ARID1B: variants seen among roughly 807,000 people sequenced by gnomAD.
ARID1B encodes AT-rich interactive domain-containing protein 1B.
Under a neutral mutation model 212.3 loss-of-function variants are expected in ARID1B, and 30 were observed. That is an observed-to-expected ratio of 0.14 (90% confidence interval 0.11 to 0.19). ARID1B has a LOEUF of 0.19. ARID1B is among the 10% of genes least tolerant of loss of function. ARID1B has a pLI of 1.00. For missense variants in ARID1B, 2,891 were observed against 3,204.0 expected, an observed-to-expected ratio of 0.90 and a Z score of 2.36; for synonymous variants, 1,402 against 1,301.7, an observed-to-expected ratio of 1.08 and a Z score of -1.66.
At chr6:156,886,420 C>T (rs969321528) in intron 2 of ARID1B, among the ~76,000 whole-genome samples, 13 of 152,218 alleles carry the variant, frequency 8.5e-5, no homozygotes, top group Non-Finnish European at 1.9e-4. Context: ...AGGCTTCCTT[C>T]CTCTATTCAG....
rs2128325821 is a variant in ARID1B at position 157,184,396 on chromosome 6, G to A, written c.3880G>A (p.Asp1294Asn). ...CCCGCCGGAAGTCTTCAGCACCGGGGACACCAAAAAGCAGCCCAAGCTCCA... is the reference window on the plus strand; with the variant it reads ...CCCGCCGGAAGTCTTCAGCACCGGGAACACCAAAAAGCAGCCCAAGCTCCA... Reference protein sequence around the residue: ...EPPPEVFSTGDTKKQPKLQPP... With the variant: ...EPPPEVFSTGNTKKQPKLQPP... The change falls in exon 13 of 20, where the codon GAC (aspartate) becomes AAC (asparagine). Residue 1294 changes from aspartate (D) to asparagine (N), a missense_variant. Asp to Asn is a conservative substitution (Grantham distance 23). Transcript: ENST00000636930. 6.2e-7 allele frequency: 1 copy of A among 1,614,150 alleles called. No homozygotes were observed. The highest frequency in any genetic ancestry group is 8.5e-7 in the Non-Finnish European group (1 of 1,180,044).
chr6:156,776,360 TAG>T (rs1778622622), upstream of ARID1B: 1 of 152,246 alleles, frequency 6.6e-6, no homozygotes, highest in African/African-American at 2.4e-5. Context: ...ACATTAGGAC[TAG>T]AGTTGACTGT....
intron 7 of ARID1B, among the ~76,000 whole-genome samples, chr6:157,144,011 T>TC (rs1413584207): frequency 6.6e-6 from 1 of 152,114 alleles, no homozygotes; most frequent in East Asian, 1.9e-4. Context: ...GAACGCATGC[T>TC]CCCCCAGGTT....
At position 156,793,205 on chromosome 6, in the gene ARID1B, G is replaced by T. The variant is rs550251038; in HGVS notation, c.1791+13734G>T. Among the ~76,000 whole-genome samples the T allele has an allele frequency of 1.5e-4, 23 of 152,258 alleles. 1 individual carries two copies. The highest frequency in any genetic ancestry group is 5.3e-4 in the African/African-American group (22 of 41,546). ...ATTCTGTGATTGGAGAAGAAGCAAG[G>T]CAGGTGTGTCATTAAGGTCAGGATG... On this transcript the variant is annotated intron_variant, in intron 1 of 19. Transcript: ENST00000636930.
chr6:157,003,453 A>G (rs1032893158), intron 4 of ARID1B, among the ~76,000 whole-genome samples: 1 of 152,148 alleles, frequency 6.6e-6, no homozygotes, highest in Non-Finnish European at 1.5e-5. Flanking sequence ...TGTGGTCTAG[A>G]TTTAGGCAGT....
At chr6:157,032,594 C>G (rs1781082987) in intron 4 of ARID1B, among the ~76,000 whole-genome samples, 1 of 152,152 alleles carries the variant, frequency 6.6e-6, no homozygotes, top group Non-Finnish European at 1.5e-5. Flanking sequence ...ACCTGGACCA[C>G]TATATTTTTA....
At chr6:156,844,328 A>C (rs958051307) in intron 2 of ARID1B, among the ~76,000 whole-genome samples, 1 of 152,242 alleles carries the variant, frequency 6.6e-6, no homozygotes, top group Admixed American at 6.5e-5. Flanking sequence ...AGAGTGAAGA[A>C]AATTCCTACT....
At chr6:157,144,273 CCTT>C (rs1789569235) in intron 7 of ARID1B, among the ~76,000 whole-genome samples, 1 of 152,194 alleles carries the variant, frequency 6.6e-6, no homozygotes, top group Non-Finnish European at 1.5e-5. Context: ...AACTCAGAAA[CCTT>C]CTTTCTCTAA....
At chr6:157,026,816 A>G (rs1462943387) in intron 4 of ARID1B, among the ~76,000 whole-genome samples, 1 of 152,136 alleles carries the variant, frequency 6.6e-6, no homozygotes, top group East Asian at 1.9e-4. Context: ...GCGCCTGGCT[A>G]TTAGAAGATG....
At chr6:157,136,215 A>G (rs1583375468) in intron 7 of ARID1B, among the ~76,000 whole-genome samples, 1 of 152,226 alleles carries the variant, frequency 6.6e-6, no homozygotes, top group East Asian at 1.9e-4. Context: ...CACAGTGACT[A>G]CAATGGTCAA....
intron 2 of ARID1B, among the ~76,000 whole-genome samples, chr6:156,849,477 G>T (rs1349324672): frequency 6.6e-6 from 1 of 152,198 alleles, no homozygotes; most frequent in Non-Finnish European, 1.5e-5. Flanking sequence ...GGGACCCGCT[G>T]CTAAGACTTA....
chr6:157,087,640 T>G (rs1420156468), intron 5 of ARID1B, among the ~76,000 whole-genome samples: 1 of 152,208 alleles, frequency 6.6e-6, no homozygotes, highest in Non-Finnish European at 1.5e-5. Context: ...AGGCAGCAAG[T>G]CTTCTGGTTC....
rs569136684 is a variant in ARID1B at position 156,895,303 on chromosome 6, A to G, written c.1987-6073A>G. ...CTGTCTGTTAGAGGTTCACCAACCT[A>G]CAGGACACTTGTTTCCCTTGGGAGG... On this transcript the variant is annotated intron_variant, in intron 2 of 19. Coordinates refer to ENST00000636930, the MANE Select transcript of ARID1B (RefSeq NM_001374828.1). Among the ~76,000 whole-genome samples, 8 of 152,358 alleles carry G rather than the reference A, an allele frequency of 5.3e-5. No homozygotes were observed. In the South Asian group the frequency reaches 1.7e-3, roughly 32 times the overall value.
intron 3 of ARID1B, among the ~76,000 whole-genome samples, chr6:156,909,519 C>T (rs1442698688): frequency 6.6e-6 from 1 of 152,096 alleles, no homozygotes; most frequent in African/African-American, 2.4e-5. Flanking sequence ...TTCAGATAGC[C>T]CCAGTTGTCT....
intron 4 of ARID1B, chr6:156,937,066 C>G (rs892582358): frequency 6.6e-5 from 10 of 151,962 alleles, no homozygotes; most frequent in East Asian, 3.9e-4. Context: ...TTTTCCCCCC[C>G]CCTTTAGTAG....
At chr6:156,802,654 C>T (rs1037339337) in intron 1 of ARID1B, among the ~76,000 whole-genome samples, 26 of 152,102 alleles carry the variant, frequency 1.7e-4, no homozygotes, top group African/African-American at 5.3e-4. Context: ...CTCTCCTAGC[C>T]CCTGGGGCTT....
chr6:156,997,574 A>T lies in ARID1B; in HGVS notation c.2247+61998A>T, dbSNP rs376149468. On this transcript the variant is annotated intron_variant, in intron 4 of 19. Coordinates refer to ENST00000636930, the MANE Select transcript of ARID1B (RefSeq NM_001374828.1). ...GGCATGTTTATCCTCTCTATGTAAG[A>T]AGTAACAGATGTAGAGAAATTCTTA... Among the ~76,000 whole-genome samples the T allele has an allele frequency of 1.6e-4, 25 of 152,294 alleles. No individual in the cohort carries two copies. The East Asian group carries it at 3.9e-3, about 23-fold the overall frequency.
intron 8 of ARID1B, 61 bp downstream of exon 8, chr6:157,149,012 A>C: frequency 6.7e-7 from 1 of 1,502,004 alleles, no homozygotes. Flanking sequence ...TGACCACGTG[A>C]CTGCGCACAT....
At chr6:157,143,157 G>A (rs552555839) in intron 7 of ARID1B, among the ~76,000 whole-genome samples, 1 of 152,264 alleles carries the variant, frequency 6.6e-6, no homozygotes, top group Non-Finnish European at 1.5e-5. Flanking sequence ...TCCAAAGCTA[G>A]TGTGCCAAGA....
Sources: gnomAD v4.1 joint callset for allele counts (sites outside exome capture counted in the v4.1 genomes callset) on GRCh38, gnomAD v4.1.1 for gene constraint, MANE v1.5 for transcripts, NCBI Gene and HGNC (gene_info 2026-07-23, HGNC 2026-07-21) for gene names.